AFG1L: variants seen among roughly 807,000 people sequenced by gnomAD.
The protein encoded by AFG1L is AFG1 like ATPase.
AFG1L carries 53 observed loss-of-function variants against 62.2 expected under a neutral mutation model. The observed-to-expected ratio is 0.85, with a 90% CI of 0.68 to 1.07. The LOEUF is 1.07. AFG1L is among the 50% of genes least tolerant of loss of function. The pLI is 0.00. For synonymous variants in AFG1L, 228 were observed against 210.3 expected (o/e 1.08, Z -0.73); for missense variants, 555 against 590.5 (o/e 0.94, Z 0.62).
At chr6:108,477,093 T>G in intron 9 of AFG1L, 99 bp from the exon 10 acceptor site, 2 of 995,438 alleles carry the variant, frequency 2.0e-6, no homozygotes, top group Non-Finnish European at 3.1e-6. Context: ...TGTTGAATCA[T>G]GTGCTATTAT....
chr6:108,378,844 G>A (rs1359671328), intron 6 of AFG1L, among the ~76,000 whole-genome samples: 4 of 150,966 alleles, frequency 2.6e-5, no homozygotes, highest in Admixed American at 2.6e-4. Context: ...TCCCTGTAAT[G>A]TTGTTGTTAT....
intron 1 of AFG1L, 28 bp downstream of exon 1, chr6:108,295,246 A>G (rs1484177009): frequency 3.2e-6 from 5 of 1,586,576 alleles, no homozygotes; most frequent in Non-Finnish European, 4.3e-6. Context: ...GAGTAGTCCG[A>G]GCCGACTGCA....
At chr6:108,442,751 G>A (rs1165315949) in intron 7 of AFG1L, among the ~76,000 whole-genome samples, 1 of 150,774 alleles carries the variant, frequency 6.6e-6, no homozygotes, top group Non-Finnish European at 1.5e-5. Flanking sequence ...CTTCACTCAG[G>A]GTAACCAAGC....
chr6:108,383,561 A>G (rs914556), intron 6 of AFG1L, among the ~76,000 whole-genome samples: 100,055 of 151,982 alleles, frequency 0.66, 34,768 homozygotes, highest in African/African-American at 0.9. Flanking sequence ...GAAATCGGTC[A>G]TGTAGGAAAA....
At chr6:108,330,175 CTTTTTTATT>C (rs1778214183) in intron 2 of AFG1L, among the ~76,000 whole-genome samples, 1 of 123,224 alleles carries the variant, frequency 8.1e-6, no homozygotes, top group Non-Finnish European at 1.8e-5. Flanking sequence ...AAATAAATTC[CTTTTTTATT>C]TTTTTTTTTT....
intron 1 of AFG1L, among the ~76,000 whole-genome samples, chr6:108,315,005 A>AT (rs1777539147): frequency 6.6e-6 from 1 of 151,670 alleles, no homozygotes; most frequent in Admixed American, 6.6e-5. Context: ...TGCCCAGCTA[A>AT]TTTTTTTGTA....
At chr6:108,480,373 A>G (rs1271251789) in intron 10 of AFG1L, among the ~76,000 whole-genome samples, 1 of 152,232 alleles carries the variant, frequency 6.6e-6, no homozygotes, top group Non-Finnish European at 1.5e-5. Flanking sequence ...AAACACCAAG[A>G]TGTTAAGTTA....
At chr6:108,458,528 T>C (rs1180477858) in intron 8 of AFG1L, among the ~76,000 whole-genome samples, 1 of 152,130 alleles carries the variant, frequency 6.6e-6, no homozygotes, top group Non-Finnish European at 1.5e-5. Flanking sequence ...TTGCCCAGGC[T>C]GGTCTTGAAC....
chr6:108,415,872 C>T (rs1283561), intron 7 of AFG1L, among the ~76,000 whole-genome samples: 3,394 of 152,210 alleles, frequency 0.022, 117 homozygotes, highest in African/African-American at 0.074. Flanking sequence ...AAGGACTTCA[C>T]GTCTAAAACA....
In AFG1L at chr6:108,450,255, C is replaced by T. The variant is rs1400058485; in HGVS notation, c.890+2959C>T. ...CATTCCTATTTCTCCACATCCTCTCCAGCACCTGTTGTTTCCTGACTTTTT... is the reference window on the plus strand; with the variant it reads ...CATTCCTATTTCTCCACATCCTCTCTAGCACCTGTTGTTTCCTGACTTTTT... On this transcript the variant is annotated intron_variant, in intron 8 of 12. Transcript: ENST00000368977. Among the ~76,000 whole-genome samples the T allele has an allele frequency of 4.6e-5, 7 of 152,186 alleles. No homozygotes were observed. The South Asian group carries it at 8.3e-4, about 18-fold the overall frequency.
chr6:108,302,550 C>T (rs539517083), intron 1 of AFG1L, among the ~76,000 whole-genome samples: 84 of 151,922 alleles, frequency 5.5e-4, no homozygotes, highest in African/African-American at 1.8e-3. Context: ...CTTGAGGTTC[C>T]GAGATAACTT....
At chr6:108,373,152 A>G (rs1780086705) in intron 6 of AFG1L, among the ~76,000 whole-genome samples, 1 of 152,034 alleles carries the variant, frequency 6.6e-6, no homozygotes. Flanking sequence ...TACTGAGCAT[A>G]GTATCTAACA....
chr6:108,395,011 G>T (rs566226406), intron 6 of AFG1L, among the ~76,000 whole-genome samples: 3 of 152,152 alleles, frequency 2.0e-5, no homozygotes, highest in East Asian at 3.9e-4. Flanking sequence ...GTTTATTATA[G>T]GGAAGAAAAA....
intron 7 of AFG1L, 81 bp downstream of exon 7, chr6:108,402,135 T>C: frequency 1.5e-6 from 1 of 679,794 alleles, no homozygotes; most frequent in Non-Finnish European, 2.4e-6. Flanking sequence ...GTCTTAGTCT[T>C]GGCATTCAAG....
intron 10 of AFG1L, among the ~76,000 whole-genome samples, chr6:108,493,784 C>T (rs564924288): frequency 5.2e-4 from 79 of 152,198 alleles, no homozygotes; most frequent in Non-Finnish European, 9.8e-4. Context: ...TTACATTTAG[C>T]GATGCTCATT....
At chr6:108,322,065 T>A (rs1450673899) in intron 1 of AFG1L, among the ~76,000 whole-genome samples, 1 of 151,936 alleles carries the variant, frequency 6.6e-6, no homozygotes, top group East Asian at 1.9e-4. Flanking sequence ...TAAAAACAAA[T>A]TTTTTTTAAA....
At chr6:108,357,088 C>CA (rs1779321714) in intron 5 of AFG1L, among the ~76,000 whole-genome samples, 1 of 152,000 alleles carries the variant, frequency 6.6e-6, no homozygotes, top group South Asian at 2.1e-4. Context: ...CACACACACA[C>CA]ACATATTTTA....
intron 6 of AFG1L, among the ~76,000 whole-genome samples, chr6:108,391,326 G>T (rs892418506): frequency 2.0e-5 from 3 of 152,098 alleles, no homozygotes; most frequent in African/African-American, 7.2e-5. Flanking sequence ...GGCCATTCTT[G>T]CAGGAGTAAG....
chr6:108,417,784 C>T (rs937894234), intron 7 of AFG1L, among the ~76,000 whole-genome samples: 2 of 152,078 alleles, frequency 1.3e-5, no homozygotes, highest in Non-Finnish European at 2.9e-5. Flanking sequence ...ATTAATAAAA[C>T]TTAGGTAATT....
Sources: allele counts gnomAD v4.1 joint callset (sites outside exome capture counted in the v4.1 genomes callset), GRCh38; gene constraint gnomAD v4.1.1; transcripts MANE v1.5; gene names NCBI Gene and HGNC (gene_info 2026-07-23, HGNC 2026-07-21).